The following SPMAP2 variants were observed in gnomAD, a reference collection of about 807,000 sequenced individuals.
The protein encoded by SPMAP2 is sperm microtubule associated protein 2.
chr19:373,400 G>A, the SPMAP2 span: 3 of 1,458,262 alleles, frequency 2.1e-6, no homozygotes. Flanking sequence ...GTATCTAGAT[G>A]GGGCGGGGCA....
the SPMAP2 span, among the ~76,000 whole-genome samples, chr19:364,554 C>T: frequency 2.0e-5 from 3 of 151,810 alleles, no homozygotes; most frequent in East Asian, 1.9e-4. Flanking sequence ...GAAAGGGGGA[C>T]TCAGGGGGCC....
At chr19:373,726 G>A in the SPMAP2 span, among the ~76,000 whole-genome samples, 2 of 152,130 alleles carry the variant, frequency 1.3e-5, no homozygotes, top group African/African-American at 4.8e-5. Context: ...GTCCAGAGAA[G>A]GAGGTAGCTG....
chr19:363,996 A>G, the SPMAP2 span, among the ~76,000 whole-genome samples: 1 of 152,080 alleles, frequency 6.6e-6, no homozygotes, highest in African/African-American at 2.4e-5. Context: ...GCACTGCCAC[A>G]TCGAGCTACG....
chr19:371,182 C>T, the SPMAP2 span: 2 of 1,372,056 alleles, frequency 1.5e-6, no homozygotes, highest in Non-Finnish European at 1.9e-6. Context: ...GGGGGTGAGT[C>T]GCGGGGGGCA....
At chr19:374,669 C>T in the SPMAP2 span, 1 of 542,074 alleles carries the variant, frequency 1.8e-6, no homozygotes, top group South Asian at 2.3e-5. Flanking sequence ...TCCTCAGCTT[C>T]CTCCTCTGTG....
chr19:363,863 T>C, the SPMAP2 span, among the ~76,000 whole-genome samples: 1 of 151,972 alleles, frequency 6.6e-6, no homozygotes, highest in Admixed American at 6.6e-5. Flanking sequence ...AGGCAGGGTC[T>C]TGCTGTGTCT....
chr19:364,205 C>T, the SPMAP2 span, among the ~76,000 whole-genome samples: 50 of 150,476 alleles, frequency 3.3e-4, no homozygotes, highest in Admixed American at 5.9e-4. Context: ...GGCGTGGTGG[C>T]GGCTGCCTGT....
chr19:375,475 C>T, the SPMAP2 span, among the ~76,000 whole-genome samples: 2 of 152,160 alleles, frequency 1.3e-5, no homozygotes. Context: ...GTGAGGGGTG[C>T]TGGCCGCCAA....
the SPMAP2 span, chr19:374,573 G>C: frequency 8.9e-7 from 1 of 1,127,912 alleles, no homozygotes; most frequent in Non-Finnish European, 1.2e-6. Flanking sequence ...TCTGAGGGAG[G>C]ACTTTGGCAC....
the SPMAP2 span, chr19:373,676 G>GA: frequency 9.6e-6 from 7 of 727,184 alleles, no homozygotes; most frequent in Non-Finnish European, 1.4e-5. Flanking sequence ...GACAGTGGGG[G>GA]GGCCGGCGGG....
At chr19:371,813 G>T in the SPMAP2 span, among the ~76,000 whole-genome samples, 1 of 152,230 alleles carries the variant, frequency 6.6e-6, no homozygotes, top group African/African-American at 2.4e-5. Flanking sequence ...TCTCAGCTAT[G>T]CCTCTGCTCG....
At chr19:373,426 G>A in the SPMAP2 span, 160 of 1,602,136 alleles carry the variant, frequency 1.0e-4, no homozygotes, top group African/African-American at 3.3e-4. Flanking sequence ...CCTGGAGGCC[G>A]GCAGCCGGGG....
At chr19:362,407 G>C in the SPMAP2 span, 4 of 1,605,468 alleles carry the variant, frequency 2.5e-6, no homozygotes, top group Non-Finnish European at 3.4e-6. Flanking sequence ...GAACGCACTT[G>C]TCCGACTGAG....
the SPMAP2 span, among the ~76,000 whole-genome samples, chr19:363,279 G>T: frequency 6.6e-6 from 1 of 151,758 alleles, no homozygotes; most frequent in African/African-American, 2.4e-5. Flanking sequence ...TGCAACCTCC[G>T]CCTCCCAGGT....
chr19:375,616 G>A, the SPMAP2 span: 8 of 1,492,498 alleles, frequency 5.4e-6, 1 homozygote, highest in Non-Finnish European at 7.2e-6. Flanking sequence ...GCCAGGGGCT[G>A]AGCCCTACCC....
At chr19:370,679 T>C in the SPMAP2 span, among the ~76,000 whole-genome samples, 15 of 152,090 alleles carry the variant, frequency 9.9e-5, no homozygotes, top group African/African-American at 3.6e-4. Context: ...GTAACAGTCC[T>C]AAACTGGAAG....
the SPMAP2 span, among the ~76,000 whole-genome samples, chr19:372,090 C>T: frequency 6.6e-6 from 1 of 152,244 alleles, no homozygotes; most frequent in Admixed American, 6.5e-5. Context: ...GCGACACCCA[C>T]ATCAACGTCT....
the SPMAP2 span, chr19:371,367 G>GGT: frequency 4.2e-6 from 3 of 718,942 alleles, no homozygotes; most frequent in Admixed American, 3.3e-5. Flanking sequence ...GCCGGGGGTG[G>GGT]GGGTGTGTGT....
the SPMAP2 span, among the ~76,000 whole-genome samples, chr19:375,156 C>G: frequency 6.6e-6 from 1 of 152,158 alleles, no homozygotes; most frequent in Admixed American, 6.5e-5. Context: ...TGGGGACACT[C>G]CAGCAACTGC....
Sources: gnomAD v4.1 joint callset for allele counts (sites outside exome capture counted in the v4.1 genomes callset) on GRCh38, gnomAD v4.1.1 for gene constraint, MANE v1.5 for transcripts, NCBI Gene and HGNC (gene_info 2026-07-23, HGNC 2026-07-21) for gene names.